SH3D19: variants seen among roughly 807,000 people sequenced by gnomAD.
The protein encoded by SH3D19 is SH3 domain containing 19.
SH3D19 carries 58 observed loss-of-function variants against 112.1 expected under a neutral mutation model. That is an observed-to-expected ratio of 0.52 (90% CI 0.42 to 0.64). The LOEUF (loss-of-function observed/expected upper bound fraction) is 0.64, where lower values mean the gene tolerates loss of function less well. SH3D19 is among the 30% of genes least tolerant of loss of function. SH3D19 has a pLI of 0.00. For missense variants in SH3D19, 1,090 were observed against 1,263.4 expected (o/e 0.86, Z 2.08); for synonymous variants, 391 against 448.5 (o/e 0.87, Z 1.62).
intron 2 of SH3D19, among the ~76,000 whole-genome samples, chr4:151,222,670 T>TTC (rs1768282965): frequency 7.0e-6 from 1 of 141,890 alleles, no homozygotes; most frequent in East Asian, 2.0e-4. Flanking sequence ...TCTCTCTCTT[T>TTC]TTTTTTTTTT....
chr4:151,193,992 A>C (rs927128840), intron 2 of SH3D19, among the ~76,000 whole-genome samples: 3 of 148,082 alleles, frequency 2.0e-5, no homozygotes, highest in African/African-American at 7.7e-5. Context: ...TCTTTTCTAG[A>C]TGTGTAGCAG....
chr4:151,154,768 T>C (rs1406596290), intron 9 of SH3D19, among the ~76,000 whole-genome samples: 3 of 152,046 alleles, frequency 2.0e-5, no homozygotes, highest in Non-Finnish European at 1.5e-5. Flanking sequence ...TATTTCTTTT[T>C]TTCTTCTGGA....
chr4:151,319,062 C>G (rs112983124), intron 1 of SH3D19, among the ~76,000 whole-genome samples: 5 of 152,182 alleles, frequency 3.3e-5, no homozygotes, highest in African/African-American at 1.2e-4. Flanking sequence ...TCTTTTATTT[C>G]TTTTTGAGAC....
In SH3D19 at chr4:151,291,735, C is replaced by T. The variant is rs1163519764; in HGVS notation, c.112+33506G>A. 3.9e-5 allele frequency among the ~76,000 whole-genome samples: 6 copies of T among 152,132 alleles called. No homozygotes were observed. The South Asian group carries it at 1.0e-3, about 26-fold the overall frequency. ...CTCTATGAATAAGTATTTGTAGACA[C>T]AAATTAAATAGCTACTACAGAGGCA... On this transcript the variant is annotated intron_variant, in intron 1 of 19. Coordinates refer to ENST00000604030, the MANE Select transcript of SH3D19 (RefSeq NM_001378122.1).
At chr4:151,321,056 C>T (rs929624095) in intron 1 of SH3D19, among the ~76,000 whole-genome samples, 1 of 152,014 alleles carries the variant, frequency 6.6e-6, no homozygotes, top group African/African-American at 2.4e-5. Context: ...AAACAAAAAC[C>T]CACAGCTACA....
intron 2 of SH3D19, among the ~76,000 whole-genome samples, chr4:151,212,624 G>A (rs999056171): frequency 1.3e-5 from 2 of 152,186 alleles, no homozygotes; most frequent in African/African-American, 4.8e-5. Context: ...AAATATTACT[G>A]CTCATTGACA....
At chr4:151,246,304 ATCCTT>A (rs1198226856) in intron 1 of SH3D19, among the ~76,000 whole-genome samples, 1 of 152,184 alleles carries the variant, frequency 6.6e-6, no homozygotes, top group African/African-American at 2.4e-5. Context: ...TTGTGTATCT[ATCCTT>A]TCAACATCTG....
At chr4:151,305,649 T>TA (rs1409046560) in intron 1 of SH3D19, among the ~76,000 whole-genome samples, 1 of 151,930 alleles carries the variant, frequency 6.6e-6, no homozygotes, top group Admixed American at 6.5e-5. Flanking sequence ...AACAAACAAA[T>TA]AAAAACTAGA....
intron 1 of SH3D19, among the ~76,000 whole-genome samples, chr4:151,230,786 G>T (rs1015646951): frequency 2.0e-5 from 3 of 151,702 alleles, no homozygotes; most frequent in African/African-American, 7.3e-5. Context: ...TCACCATATT[G>T]GCCAGGCTGG....
chr4:151,219,114 C>T (rs72723769), intron 2 of SH3D19, among the ~76,000 whole-genome samples: 407 of 152,176 alleles, frequency 2.7e-3, no homozygotes, highest in Non-Finnish European at 4.0e-3. Context: ...TTTCCTAGTC[C>T]CATCTGTGTA....
intron 1 of SH3D19, among the ~76,000 whole-genome samples, chr4:151,286,422 C>A (rs1774793036): frequency 1.3e-5 from 2 of 150,422 alleles, no homozygotes; most frequent in African/African-American, 2.4e-5. Flanking sequence ...TACTACCAAC[C>A]TTACAGAAAT....
chr4:151,190,771 C>T (rs577864455), intron 2 of SH3D19, among the ~76,000 whole-genome samples: 1 of 152,186 alleles, frequency 6.6e-6, no homozygotes, highest in Non-Finnish European at 1.5e-5. Flanking sequence ...TAGGGCAGTG[C>T]AGAAGGGAAA....
intron 19 of SH3D19, among the ~76,000 whole-genome samples, chr4:151,125,817 G>A (rs1446629849): frequency 7.1e-6 from 1 of 141,376 alleles, no homozygotes; most frequent in Non-Finnish European, 1.5e-5. Context: ...TCCAGCCTGG[G>A]CGACAGAGCG....
intron 1 of SH3D19, among the ~76,000 whole-genome samples, chr4:151,254,225 C>T (rs1771628540): frequency 6.6e-6 from 1 of 152,050 alleles, no homozygotes; most frequent in African/African-American, 2.4e-5. Flanking sequence ...AATTTTTAGA[C>T]AATAGTTTAT....
chr4:151,183,917 T>C (rs780142687), intron 3 of SH3D19, among the ~76,000 whole-genome samples: 8 of 152,224 alleles, frequency 5.3e-5, no homozygotes, highest in Non-Finnish European at 7.3e-5. Flanking sequence ...TTTCTGGGAC[T>C]CAGTTTCACT....
intron 1 of SH3D19, chr4:151,279,915 G>A (rs201618142): frequency 1.0e-4 from 161 of 1,613,684 alleles, no homozygotes; most frequent in Middle Eastern, 6.9e-4. Context: ...AGGTTCCCTC[G>A]TCAGTGAGAG....
chr4:151,247,499 CAG>C (rs1428295519), intron 1 of SH3D19, among the ~76,000 whole-genome samples: 2 of 152,098 alleles, frequency 1.3e-5, no homozygotes, highest in African/African-American at 4.8e-5. Flanking sequence ...AAAAATTAAA[CAG>C]ATTCTTACAT....
chr4:151,278,489 T>G (rs770646075), intron 1 of SH3D19, among the ~76,000 whole-genome samples: 1 of 151,980 alleles, frequency 6.6e-6, no homozygotes, highest in Non-Finnish European at 1.5e-5. Context: ...AGGAAGTGAT[T>G]TGTGAAAAGT....
chr4:151,210,417 T>G (rs1765780895), intron 2 of SH3D19, among the ~76,000 whole-genome samples: 2 of 151,340 alleles, frequency 1.3e-5, no homozygotes, highest in Non-Finnish European at 3.0e-5. Flanking sequence ...TTTTTTTTTT[T>G]TTTTGAGACA....
Sources: allele counts gnomAD v4.1 joint callset (sites outside exome capture counted in the v4.1 genomes callset), GRCh38; gene constraint gnomAD v4.1.1; transcripts MANE v1.5; gene names NCBI Gene and HGNC (gene_info 2026-07-23, HGNC 2026-07-21).